Variants in PLXDC2 observed in about 807,000 individuals in gnomAD.
The protein encoded by PLXDC2 is plexin domain-containing protein 2.
In PLXDC2, 40 loss-of-function variants were observed where a neutral mutation model predicts 68.9. The observed-to-expected ratio is 0.58, with a 90% CI of 0.45 to 0.76. PLXDC2 has a LOEUF of 0.76. PLXDC2 is among the 30% of genes least tolerant of loss of function. The pLI, the probability that PLXDC2 is intolerant of heterozygous loss-of-function variation, is 0.00. For synonymous variants in PLXDC2, 243 were observed against 234.2 expected (o/e 1.04, Z -0.34); for missense variants, 644 against 661.9 (o/e 0.97, Z 0.30).
At position 20,237,000 on chromosome 10, in the gene PLXDC2, G is replaced by GT. The variant is rs572302166; in HGVS notation, c.1313-8333dup. Among the ~76,000 whole-genome samples, 521 of 134,610 alleles carry GT rather than the reference G, an allele frequency of 3.9e-3. 2 individuals carry two copies. Among genetic ancestry groups the GT allele is most frequent in the African/African-American group, 9.5e-3 (371 of 38,942 alleles). 88.3% of individuals were successfully genotyped at this position (134,610 alleles called of 152,430 possible). Reference sequence around the variant, plus strand: ...AAAAGGTAAGGGATTATGAGTTGTTGTTTTTTTTTTTTAAAGGATAGTCAT... The same window carrying GT: ...AAAAGGTAAGGGATTATGAGTTGTTGTTTTTTTTTTTTTAAAGGATAGTCAT... On this transcript the variant is annotated intron_variant, in intron 12 of 13. Transcript: ENST00000377252.
At chr10:20,182,481 A>T (rs1047146265) in intron 9 of PLXDC2, among the ~76,000 whole-genome samples, 1 of 151,918 alleles carries the variant, frequency 6.6e-6, no homozygotes, top group African/African-American at 2.4e-5. Flanking sequence ...ACAACAATTT[A>T]TTTACTATTT....
chr10:20,209,484 A>ACTT (rs1208868889), intron 9 of PLXDC2, among the ~76,000 whole-genome samples: 12 of 152,052 alleles, frequency 7.9e-5, no homozygotes, highest in Admixed American at 6.6e-4. Flanking sequence ...CATGTAACAA[A>ACTT]GTTGCACATT....
chr10:19,824,745 A>G (rs1482373556), intron 1 of PLXDC2, among the ~76,000 whole-genome samples: 1 of 152,242 alleles, frequency 6.6e-6, no homozygotes, highest in African/African-American at 2.4e-5. Flanking sequence ...CTGACAAAAG[A>G]TGAGAATATA....
intron 3 of PLXDC2, among the ~76,000 whole-genome samples, chr10:20,052,722 C>CAAAAAAAATAAAAA (rs1835924997): frequency 1.1e-5 from 1 of 92,816 alleles, no homozygotes; most frequent in Non-Finnish European, 2.4e-5. Context: ...ACAAATTATG[C>CAAAAAAAATAAAAA]AAAAAAAAAA....
intron 2 of PLXDC2, among the ~76,000 whole-genome samples, chr10:20,012,589 G>A (rs1216253961): frequency 6.6e-6 from 1 of 151,736 alleles, no homozygotes; most frequent in Non-Finnish European, 1.5e-5. Context: ...GCCTCCCAAA[G>A]TGCTGGGATT....
chr10:20,265,963 C>A (rs569771119), intron 13 of PLXDC2, among the ~76,000 whole-genome samples: 2 of 152,236 alleles, frequency 1.3e-5, no homozygotes, highest in South Asian at 4.1e-4. Context: ...GATGGAAGAA[C>A]TGGGATCCAC....
At chr10:19,869,048 A>G (rs1837481081) in intron 1 of PLXDC2, among the ~76,000 whole-genome samples, 1 of 152,130 alleles carries the variant, frequency 6.6e-6, no homozygotes, top group Admixed American at 6.6e-5. Context: ...CATAGGCTTT[A>G]GAGTTAGAGA....
chr10:20,226,536 G>A (rs554121659), intron 12 of PLXDC2, among the ~76,000 whole-genome samples: 27 of 152,294 alleles, frequency 1.8e-4, no homozygotes, highest in Non-Finnish European at 2.9e-4. Context: ...TTGCAATTTC[G>A]TTGTTCAGCC....
chr10:20,142,776 G>T (rs1834023711), intron 4 of PLXDC2, among the ~76,000 whole-genome samples: 1 of 151,574 alleles, frequency 6.6e-6, no homozygotes, highest in African/African-American at 2.4e-5. Context: ...GTCACCATGG[G>T]TGTTTAGCCC....
chr10:19,957,196 G>A (rs1276950758), intron 1 of PLXDC2, among the ~76,000 whole-genome samples: 1 of 152,268 alleles, frequency 6.6e-6, no homozygotes, highest in South Asian at 2.1e-4. Context: ...CTTTGAACTG[G>A]TACTGTGTGG....
intron 1 of PLXDC2, among the ~76,000 whole-genome samples, chr10:19,818,077 A>G (rs1434687786): frequency 6.6e-6 from 1 of 152,168 alleles, no homozygotes; most frequent in Non-Finnish European, 1.5e-5. Flanking sequence ...CACAGGCAGA[A>G]AGAGATCTTG....
At chr10:20,131,165 A>T (rs200102491) in intron 4 of PLXDC2, among the ~76,000 whole-genome samples, 18 of 77,002 alleles carry the variant, frequency 2.3e-4, no homozygotes, top group East Asian at 5.2e-4. Flanking sequence ...TTTACTTGTT[A>T]TTTTTTTTTT....
chr10:19,983,556 TCTTA>T (rs1330460278), intron 1 of PLXDC2, among the ~76,000 whole-genome samples: 1 of 152,196 alleles, frequency 6.6e-6, no homozygotes, highest in African/African-American at 2.4e-5. Context: ...TAATAGCTGC[TCTTA>T]CTTAGTAATT....
chr10:20,068,812 C>T (rs1740547072), intron 4 of PLXDC2, among the ~76,000 whole-genome samples: 1 of 151,830 alleles, frequency 6.6e-6, no homozygotes, highest in Admixed American at 6.6e-5. Context: ...TTTTTCTCCA[C>T]AAGCTTGGAG....
intron 1 of PLXDC2, among the ~76,000 whole-genome samples, chr10:19,867,375 C>G (rs1226913687): frequency 6.6e-6 from 1 of 152,130 alleles, no homozygotes; most frequent in Admixed American, 6.5e-5. Flanking sequence ...TCCGTTCCCT[C>G]TTGTCTGAGG....
At chr10:19,848,361 C>G (rs914037876) in intron 1 of PLXDC2, among the ~76,000 whole-genome samples, 4 of 152,096 alleles carry the variant, frequency 2.6e-5, no homozygotes, top group African/African-American at 7.2e-5. Flanking sequence ...GTGTGTGTCT[C>G]TTACCTCTAC....
chr10:20,016,567 CAG>C (rs1393771825), intron 2 of PLXDC2, among the ~76,000 whole-genome samples: 1 of 152,154 alleles, frequency 6.6e-6, no homozygotes, highest in Non-Finnish European at 1.5e-5. Flanking sequence ...TGAAGAAAAA[CAG>C]AGGAAAGTAA....
intron 1 of PLXDC2, among the ~76,000 whole-genome samples, chr10:19,888,247 G>C (rs1449709908): frequency 6.6e-6 from 1 of 152,208 alleles, no homozygotes; most frequent in Non-Finnish European, 1.5e-5. Context: ...GATCAAAGGT[G>C]ATAGAAATTT....
intron 3 of PLXDC2, among the ~76,000 whole-genome samples, chr10:20,052,649 G>T (rs1835923002): frequency 6.8e-6 from 1 of 147,570 alleles, no homozygotes; most frequent in African/African-American, 2.5e-5. Flanking sequence ...GGGAAGAAGG[G>T]AGTTTCTCGA....
Sources: gnomAD v4.1 joint callset for allele counts (sites outside exome capture counted in the v4.1 genomes callset) on GRCh38, gnomAD v4.1.1 for gene constraint, MANE v1.5 for transcripts, NCBI Gene and HGNC (gene_info 2026-07-23, HGNC 2026-07-21) for gene names.